Variants in NRXN3 observed in about 807,000 individuals in gnomAD.
NRXN3 encodes the protein neurexin III.
In NRXN3, 32 loss-of-function variants were observed where a neutral mutation model predicts 137.6. The ratio of observed to expected loss-of-function variants is 0.23; its 90% confidence interval spans 0.18 to 0.31. The LOEUF is 0.31. Among genes scored for constraint, NRXN3 ranks in the 10% least tolerant of loss-of-function variants. NRXN3 has a pLI of 1.00. For synonymous variants in NRXN3, 798 were observed against 784.5 expected, an observed-to-expected ratio of 1.02 and a Z score of -0.29; for missense variants, 1,574 against 2,062.5, an observed-to-expected ratio of 0.76 and a Z score of 4.59.
intron 1 of NRXN3, among the ~76,000 whole-genome samples, chr14:78,223,475 A>T (rs1024296772): frequency 2.0e-5 from 3 of 152,172 alleles, no homozygotes; most frequent in Non-Finnish European, 4.4e-5. Context: ...ATGTGCTTAT[A>T]TCAAATGTAA....
chr14:79,606,631 A>G (rs1321744014), intron 16 of NRXN3, among the ~76,000 whole-genome samples: 1 of 152,244 alleles, frequency 6.6e-6, no homozygotes, highest in East Asian at 1.9e-4. Context: ...TTGATCATCA[A>G]CTTTACTGAT....
chr14:78,312,798 G>A (rs897520008), intron 4 of NRXN3, among the ~76,000 whole-genome samples: 2 of 152,068 alleles, frequency 1.3e-5, no homozygotes, highest in Non-Finnish European at 1.5e-5. Flanking sequence ...TTTTGATCAC[G>A]AGGGCTCTCA....
chr14:79,513,270 T>TG (rs1198960034), intron 16 of NRXN3, among the ~76,000 whole-genome samples: 1 of 151,430 alleles, frequency 6.6e-6, no homozygotes, highest in African/African-American at 2.4e-5. Context: ...ATGGAGTAGG[T>TG]GTTCAGACAT....
At chr14:79,408,055 G>A (rs912525506) in intron 15 of NRXN3, among the ~76,000 whole-genome samples, 2 of 152,056 alleles carry the variant, frequency 1.3e-5, no homozygotes, top group African/African-American at 2.4e-5. Context: ...AAGAACTCAG[G>A]CCTTTAGATT....
chr14:79,163,218 A>T (rs2153070432), intron 15 of NRXN3, among the ~76,000 whole-genome samples: 1 of 152,074 alleles, frequency 6.6e-6, no homozygotes. Context: ...CTATGCTCAC[A>T]GAGGCTTGGT....
intron 15 of NRXN3, among the ~76,000 whole-genome samples, chr14:79,271,437 C>A (rs2079291224): frequency 7.3e-6 from 1 of 137,346 alleles, no homozygotes; most frequent in South Asian, 2.7e-4. Flanking sequence ...TCTTTCCTTT[C>A]CCCTTTTTTT....
intron 15 of NRXN3, among the ~76,000 whole-genome samples, chr14:79,262,585 A>G (rs1423014898): frequency 1.3e-5 from 2 of 152,154 alleles, no homozygotes; most frequent in African/African-American, 2.4e-5. Context: ...AAGAATAACA[A>G]GAAGGAGAAG....
rs186819476 is a variant in NRXN3, at chr14:79,456,850, A to G, written c.3263-10371A>G. Among the ~76,000 whole-genome samples the G allele has an allele frequency of 5.0e-4, 76 of 152,208 alleles. 1 individual carries two copies. In the East Asian group the frequency reaches 0.013, roughly 26 times the overall value. ...ACAATATAGATTATAAAAACTAGGT[A>G]TTTTAAAAATGATAAGATTTTTCTC... On this transcript the variant is annotated intron_variant, in intron 15 of 20. Transcript: ENST00000335750.
intron 3 of NRXN3, among the ~76,000 whole-genome samples, chr14:78,286,244 AG>A (rs1192644476): frequency 6.6e-6 from 1 of 152,224 alleles, no homozygotes; most frequent in African/African-American, 2.4e-5. Flanking sequence ...TGAGGGCAGC[AG>A]TGGCATTTAG....
chr14:78,840,141 A>G (rs1400052885), intron 10 of NRXN3, among the ~76,000 whole-genome samples: 1 of 152,180 alleles, frequency 6.6e-6, no homozygotes, highest in Admixed American at 6.5e-5. Flanking sequence ...CTATTTGAGT[A>G]GTGAGAATTA....
chr14:79,766,435 T>G (rs1283662974), intron 19 of NRXN3, among the ~76,000 whole-genome samples: 1 of 152,194 alleles, frequency 6.6e-6, no homozygotes, highest in African/African-American at 2.4e-5. Flanking sequence ...TCAAAAAGCT[T>G]GTTCCTGAGC....
intron 15 of NRXN3, among the ~76,000 whole-genome samples, chr14:79,107,707 G>A (rs1019202242): frequency 6.6e-5 from 10 of 152,052 alleles, no homozygotes; most frequent in African/African-American, 2.2e-4. Flanking sequence ...GGTAGAGAGA[G>A]AATTAATAGA....
chr14:79,830,266 T>C (rs532375018), intron 20 of NRXN3, among the ~76,000 whole-genome samples: 1 of 152,322 alleles, frequency 6.6e-6, no homozygotes, highest in South Asian at 2.1e-4. Context: ...TAGAGTAGTT[T>C]GTTCTATTTC....
chr14:79,369,470 G>A lies in NRXN3; in HGVS notation c.3263-97751G>A, dbSNP rs2094013084. Reference sequence around the variant, plus strand: ...AGTGATCCATGGAATTAGGTACTTAGAAAAGTCGATTGAAACATATTCACA... The same window carrying A: ...AGTGATCCATGGAATTAGGTACTTAAAAAAGTCGATTGAAACATATTCACA... On this transcript the variant is annotated intron_variant, in intron 15 of 20. Coordinates refer to ENST00000335750, the MANE Select transcript of NRXN3 (RefSeq NM_001330195.2). 2.0e-5 allele frequency among the ~76,000 whole-genome samples: 3 copies of A among 152,302 alleles called. 1 individual carries two copies. The highest frequency in any genetic ancestry group is 4.1e-4 in the South Asian group (2 of 4,830).
chr14:79,827,387 A>C (rs947448511), intron 20 of NRXN3, among the ~76,000 whole-genome samples: 1 of 152,320 alleles, frequency 6.6e-6, no homozygotes, highest in South Asian at 2.1e-4. Flanking sequence ...GAACATTAGA[A>C]AAAGTCAGCC....
intron 4 of NRXN3, among the ~76,000 whole-genome samples, chr14:78,352,601 A>C (rs1218508254): frequency 3.9e-5 from 6 of 152,158 alleles, no homozygotes; most frequent in Non-Finnish European, 7.4e-5. Context: ...CACACTGTCA[A>C]CAGGCTTTGT....
chr14:78,660,931 A>T (rs1376959653), intron 6 of NRXN3, among the ~76,000 whole-genome samples: 5 of 152,198 alleles, frequency 3.3e-5, no homozygotes, highest in Admixed American at 3.3e-4. Flanking sequence ...ATACTGGAGG[A>T]TCTTAGAAAT....
At chr14:78,976,212 C>CT (rs2099465441) in intron 14 of NRXN3, among the ~76,000 whole-genome samples, 2 of 152,216 alleles carry the variant, frequency 1.3e-5, no homozygotes, top group South Asian at 2.1e-4. Flanking sequence ...AAGAATAACT[C>CT]TTTTTTGTAT....
chr14:79,764,380 A>T (rs2099049314), intron 19 of NRXN3, among the ~76,000 whole-genome samples: 1 of 152,234 alleles, frequency 6.6e-6, no homozygotes, highest in Non-Finnish European at 1.5e-5. Flanking sequence ...AATCAGCTAT[A>T]TGAAAAGGGA....
Sources: allele counts gnomAD v4.1 joint callset (sites outside exome capture counted in the v4.1 genomes callset), GRCh38; gene constraint gnomAD v4.1.1; transcripts MANE v1.5; gene names NCBI Gene and HGNC (gene_info 2026-07-23, HGNC 2026-07-21).